The following RBFOX1 variants were observed in gnomAD, a reference collection of about 807,000 sequenced individuals.
RBFOX1 encodes the protein RNA binding fox-1 homolog 1, also known as RNA binding protein fox-1 homolog 1.
A neutral mutation model predicts 57.7 loss-of-function variants in RBFOX1; 8 were observed. That is an observed-to-expected ratio of 0.14 (90% CI 0.08 to 0.25). The LOEUF (loss-of-function observed/expected upper bound fraction) is 0.25. Ranked by LOEUF, RBFOX1 falls within the 10% of genes least tolerant of loss-of-function variation. The pLI is 1.00. For synonymous variants in RBFOX1, 326 were observed against 222.4 expected, an observed-to-expected ratio of 1.47 and a Z score of -4.15; for missense variants, 611 against 548.5, an observed-to-expected ratio of 1.11 and a Z score of -1.14.
intron 3 of RBFOX1, among the ~76,000 whole-genome samples, chr16:7,022,704 T>C (rs986945979): frequency 6.6e-5 from 10 of 152,040 alleles, no homozygotes; most frequent in African/African-American, 2.4e-4. Context: ...GAAAAAAAGG[T>C]AAGTAGGCAA....
intron 4 of RBFOX1, among the ~76,000 whole-genome samples, chr16:7,057,325 A>C (rs892595717): frequency 7.9e-5 from 12 of 152,196 alleles, no homozygotes; most frequent in Non-Finnish European, 1.3e-4. Context: ...GCATGCAACC[A>C]GGCCTCCCAG....
intron 5 of RBFOX1, among the ~76,000 whole-genome samples, chr16:7,558,420 T>C (rs1337528577): frequency 6.6e-6 from 1 of 152,108 alleles, no homozygotes; most frequent in East Asian, 1.9e-4. Context: ...ATGCTATATA[T>C]GTATAATTAT....
intron 1 of RBFOX1, among the ~76,000 whole-genome samples, chr16:5,404,085 G>C (rs2066794911): frequency 6.7e-6 from 1 of 148,708 alleles, no homozygotes; most frequent in Non-Finnish European, 1.5e-5. Flanking sequence ...GGGCGGGGTG[G>C]GGGTGGGCAG....
chr16:6,557,002 T>C (rs1371647569), intron 2 of RBFOX1, among the ~76,000 whole-genome samples: 139 of 42,486 alleles, frequency 3.3e-3, no homozygotes, highest in Admixed American at 6.3e-3. Context: ...CATACATATA[T>C]ATACATATAT....
intron 1 of RBFOX1, among the ~76,000 whole-genome samples, chr16:6,115,554 CCT>C (rs2096488979): frequency 1.3e-5 from 2 of 151,906 alleles, no homozygotes; most frequent in South Asian, 4.2e-4. Context: ...TTTTTTTTCC[CCT>C]CTGTCCTTGC....
intron 4 of RBFOX1, among the ~76,000 whole-genome samples, chr16:7,352,547 T>C (rs556450041): frequency 6.6e-6 from 1 of 152,218 alleles, no homozygotes; most frequent in Non-Finnish European, 1.5e-5. Context: ...CCTTTTGTTC[T>C]AGGGCCCTTT....
chr16:5,605,323 T>C (rs1202242960), intron 3 of RBFOX1, among the ~76,000 whole-genome samples: 2 of 152,240 alleles, frequency 1.3e-5, no homozygotes, highest in East Asian at 3.9e-4. Flanking sequence ...TCCCAGGTTA[T>C]GATGCCTGTA....
chr16:7,528,641 A>G (rs1031674267), intron 5 of RBFOX1, among the ~76,000 whole-genome samples: 2 of 152,162 alleles, frequency 1.3e-5, no homozygotes, highest in African/African-American at 4.8e-5. Flanking sequence ...CCTCCTGAGT[A>G]GCTGGGACTA....
At chr16:5,668,929 T>A (rs2049933495) in intron 3 of RBFOX1, among the ~76,000 whole-genome samples, 1 of 152,190 alleles carries the variant, frequency 6.6e-6, no homozygotes, top group Non-Finnish European at 1.5e-5. Flanking sequence ...CAGGCTTTGG[T>A]TAGGGGGAGC....
chr16:6,483,566 C>T lies in RBFOX1; in HGVS notation c.-64+166509C>T, dbSNP rs1326840546. 3.3e-6 allele frequency: 5 copies of T among 1,528,736 alleles called. No individual in the cohort carries two copies. In the African/African-American group the frequency reaches 4.1e-5, roughly 13 times the overall value. The allele number at this position is 1,528,736 out of a possible 1,614,324, so 94.7% of individuals were successfully genotyped here. On this transcript the variant is annotated intron_variant, in intron 2 of 15. Coordinates refer to ENST00000550418, the MANE Select transcript of RBFOX1 (RefSeq NM_018723.4). ...TCAGGTACGGCGAGCGAAGAAGACTCTAAAACACTGTCAGGGAAGGAGAGA... is the reference window on the plus strand; with the variant it reads ...TCAGGTACGGCGAGCGAAGAAGACTTTAAAACACTGTCAGGGAAGGAGAGA...
chr16:5,575,850 C>A (rs200258292), intron 2 of RBFOX1, among the ~76,000 whole-genome samples: 3 of 150,334 alleles, frequency 2.0e-5, no homozygotes, highest in South Asian at 2.1e-4. Context: ...TTCTCTCATT[C>A]AAAAAAAAAA....
intron 14 of RBFOX1, among the ~76,000 whole-genome samples, chr16:7,677,644 T>C (rs1160320267): frequency 6.6e-6 from 1 of 152,224 alleles, no homozygotes; most frequent in African/African-American, 2.4e-5. Context: ...TCATATTGAA[T>C]GCAACTCCTT....
chr16:7,036,386 C>T (rs776373632), intron 3 of RBFOX1, among the ~76,000 whole-genome samples: 3 of 152,022 alleles, frequency 2.0e-5, no homozygotes, highest in Non-Finnish European at 4.4e-5. Flanking sequence ...ATGCAGATCC[C>T]CAGATAGGGT....
intron 4 of RBFOX1, among the ~76,000 whole-genome samples, chr16:6,002,570 T>C (rs1026728133): frequency 1.3e-5 from 2 of 152,196 alleles, no homozygotes; most frequent in African/African-American, 4.8e-5. Flanking sequence ...GAATCCATAA[T>C]TGAGAGAAGA....
intron 4 of RBFOX1, among the ~76,000 whole-genome samples, chr16:7,098,422 G>C (rs1453302898): frequency 6.6e-6 from 1 of 152,140 alleles, no homozygotes; most frequent in Non-Finnish European, 1.5e-5. Flanking sequence ...CACCTGCCTA[G>C]GCCTCCCAAA....
intron 4 of RBFOX1, among the ~76,000 whole-genome samples, chr16:7,376,167 A>G (rs1294269689): frequency 6.6e-6 from 1 of 152,206 alleles, no homozygotes; most frequent in African/African-American, 2.4e-5. Context: ...TTTTTGGAAC[A>G]TATATGTTTA....
chr16:7,358,398 G>T (rs2097257886), intron 4 of RBFOX1, among the ~76,000 whole-genome samples: 1 of 151,984 alleles, frequency 6.6e-6, no homozygotes, highest in Admixed American at 6.6e-5. Flanking sequence ...TAAGACTTAA[G>T]TATTTTTGTG....
rs1016869153 is a variant in RBFOX1 at position 6,712,200 on chromosome 16, T to C, written c.-16+57550T>C. On this transcript the variant is annotated intron_variant, in intron 3 of 15. Transcript: ENST00000550418. ...ATCATCATTATTTACTATCAGAGGCTGTTTCAGCTATGGTCAGCAAGGTTA... is the reference window on the plus strand; with the variant it reads ...ATCATCATTATTTACTATCAGAGGCCGTTTCAGCTATGGTCAGCAAGGTTA... 5.9e-5 allele frequency among the ~76,000 whole-genome samples: 9 copies of C among 152,326 alleles called. No homozygotes were observed. In the East Asian group the frequency reaches 1.7e-3, roughly 29 times the overall value.
chr16:6,209,403 C>G (rs1955413500), intron 1 of RBFOX1, among the ~76,000 whole-genome samples: 1 of 8,794 alleles, frequency 1.1e-4, no homozygotes, highest in South Asian at 0.5. Context: ...AAAGAATGTA[C>G]ATCCAAACTT....
Sources: gnomAD v4.1 joint callset for allele counts (sites outside exome capture counted in the v4.1 genomes callset) on GRCh38, gnomAD v4.1.1 for gene constraint, MANE v1.5 for transcripts, NCBI Gene and HGNC (gene_info 2026-07-23, HGNC 2026-07-21) for gene names.